The following KIF13A variants were observed in gnomAD, a reference collection of about 807,000 sequenced individuals.
KIF13A encodes the protein kinesin-like protein KIF13A.
Under a neutral mutation model 212.2 loss-of-function variants are expected in KIF13A, and 79 were observed. That is an observed-to-expected ratio of 0.37 (90% CI 0.31 to 0.45). The LOEUF is 0.45. KIF13A is among the 20% of genes least tolerant of loss of function. KIF13A has a pLI of 1.00. For missense variants in KIF13A, 1,901 were observed against 2,209.0 expected, an observed-to-expected ratio of 0.86 and a Z score of 2.79; for synonymous variants, 789 against 808.6, an observed-to-expected ratio of 0.98 and a Z score of 0.41.
At chr6:17,936,720 C>T (rs2150547275) in intron 2 of KIF13A, among the ~76,000 whole-genome samples, 1 of 152,142 alleles carries the variant, frequency 6.6e-6, no homozygotes, top group Middle Eastern at 3.4e-3. Context: ...GTCAGTAATG[C>T]AACTAACTGT....
chr6:17,764,201 C>A lies in KIF13A; in HGVS notation c.5327G>T (p.Gly1776Val). The change falls in exon 39 of 39, where the codon GGG becomes GTG. Residue 1776 changes from glycine to valine, a missense_variant. Physicochemically the swap from Gly to Val is moderately radical, Grantham distance 109. Coordinates refer to ENST00000259711, the MANE Select transcript of KIF13A (RefSeq NM_022113.6). The surrounding 1 kb of genome is among the most constrained non-coding windows in gnomAD (Gnocchi z 5.1). ...ATGCAGCTGGCTGGGGTGGTGGAGC[C>A]CATCGGAGACAGTCTTGCCGCCTGT... ...NKTGGKTVSD[G>V]LHHPSQLHSK... 6.2e-7 allele frequency: 1 copy of A among 1,613,958 alleles called. No individual in the cohort carries two copies. The highest frequency in any genetic ancestry group is 8.5e-7 in the Non-Finnish European group (1 of 1,179,878).
At chr6:17,788,507 C>T (rs1386128440) in intron 26 of KIF13A, among the ~76,000 whole-genome samples, 2 of 152,172 alleles carry the variant, frequency 1.3e-5, no homozygotes, top group Non-Finnish European at 2.9e-5. Context: ...AGGAAGCGCA[C>T]AAACAGCCGC....
Position 17,799,494 on chromosome 6 carries a change from T to C in KIF13A, c.2617-55A>G. 7.3e-7 allele frequency: 1 copy of C among 1,361,264 alleles called. No homozygotes were observed. The highest frequency in any genetic ancestry group is 1.5e-5 in the African/African-American group (1 of 68,342). The allele number at this position is 1,361,264 out of a possible 1,614,324, so 84.3% of individuals were successfully genotyped here. On this transcript the variant is annotated intron_variant, in intron 21 of 38. Coordinates refer to ENST00000259711, the MANE Select transcript of KIF13A (RefSeq NM_022113.6). The surrounding 1 kb of genome is among the most constrained non-coding windows in gnomAD (Gnocchi z 4.4). The stretch of plus-strand genomic sequence containing the variant: ...CCAATGAACACTAAACATTCTTTCA[T>C]TTCAGCTACCTCAAATTTAAGAGTA...
intron 17 of KIF13A, among the ~76,000 whole-genome samples, chr6:17,813,092 C>T (rs1055104129): frequency 1.3e-5 from 2 of 152,234 alleles, no homozygotes; most frequent in South Asian, 2.1e-4. Flanking sequence ...GGCGTGAAGC[C>T]ACCAGCTCAT....
In KIF13A at chr6:17,910,578, TTAAC is replaced by T. The variant is rs928549956; in HGVS notation, c.147-12402_147-12399del. Among the ~76,000 whole-genome samples the T allele has an allele frequency of 1.2e-3, 177 of 152,372 alleles. 1 individual carries two copies. The highest frequency in any genetic ancestry group is 4.1e-3 in the African/African-American group (169 of 41,588). ...AATAGTAAGACAATTTTTTTTAAAA[TTAAC>T]TGTTAGTTTTTGTCAAAAAATTTTT... is the stretch of plus-strand genomic sequence containing the variant. On this transcript the variant is annotated intron_variant, in intron 2 of 38. Coordinates refer to ENST00000259711, the MANE Select transcript of KIF13A (RefSeq NM_022113.6).
intron 23 of KIF13A, among the ~76,000 whole-genome samples, chr6:17,795,935 A>G (rs1761994243): frequency 6.6e-6 from 1 of 152,202 alleles, no homozygotes; most frequent in Non-Finnish European, 1.5e-5. Flanking sequence ...AAGGTTATGT[A>G]TGATTCATCT....
intron 9 of KIF13A, among the ~76,000 whole-genome samples, chr6:17,841,572 G>A (rs1766510574): frequency 1.3e-5 from 2 of 152,140 alleles, no homozygotes; most frequent in Admixed American, 1.3e-4. Flanking sequence ...GAGGGGTGGA[G>A]CTGTATGGAA....
chr6:17,950,668 T>C (rs944649506), intron 2 of KIF13A: 2 of 985,058 alleles, frequency 2.0e-6, no homozygotes, highest in African/African-American at 3.5e-5. Flanking sequence ...TTCAACTTTA[T>C]GTGTCTAAGA....
chr6:17,944,274 A>T (rs1258617627), intron 2 of KIF13A, among the ~76,000 whole-genome samples: 4 of 152,162 alleles, frequency 2.6e-5, no homozygotes, highest in Non-Finnish European at 4.4e-5. Context: ...CAGTTAATTG[A>T]TCCATACACA....
intron 38 of KIF13A, among the ~76,000 whole-genome samples, chr6:17,765,745 T>C (rs1758886328): frequency 6.6e-6 from 1 of 152,248 alleles, no homozygotes; most frequent in African/African-American, 2.4e-5. Flanking sequence ...AAATGAATGA[T>C]TCTTTTATAT....
intron 2 of KIF13A, among the ~76,000 whole-genome samples, chr6:17,920,629 T>C (rs1774977399): frequency 6.6e-6 from 1 of 152,146 alleles, no homozygotes; most frequent in South Asian, 2.1e-4. Context: ...ATCCCAGCAC[T>C]TTGGGAGGCC....
intron 2 of KIF13A, among the ~76,000 whole-genome samples, chr6:17,935,896 G>C (rs1384967398): frequency 6.6e-6 from 1 of 152,154 alleles, no homozygotes; most frequent in Non-Finnish European, 1.5e-5. Context: ...GCTTTGAAGA[G>C]ATCTTAAAGC....
intron 16 of KIF13A, among the ~76,000 whole-genome samples, chr6:17,820,013 CGA>C (rs1764296310): frequency 1.3e-5 from 2 of 151,888 alleles, no homozygotes; most frequent in African/African-American, 4.8e-5. Flanking sequence ...GTTTTTGCTA[CGA>C]GATACTGAAT....
rs1773000001 is a variant in KIF13A at position 17,900,907 on chromosome 6, C to T, written c.147-2727G>A. 6.6e-6 allele frequency among the ~76,000 whole-genome samples: 1 copy of T among 151,636 alleles called. No homozygotes were observed. Among genetic ancestry groups the T allele is most frequent in the Non-Finnish European group, 1.5e-5 (1 of 67,890 alleles). ...TCCTGGTTAACACGGTGAAACCCCG[C>T]CTCTACTAAAAATACAAAAAATTAG... is the stretch of plus-strand genomic sequence containing the variant. On this transcript the variant is annotated intron_variant, in intron 2 of 38. Transcript: ENST00000259711. The surrounding 1 kb of genome is among the most constrained non-coding windows in gnomAD (Gnocchi z 4.6).
intron 3 of KIF13A, among the ~76,000 whole-genome samples, chr6:17,896,581 C>A (rs1772586781): frequency 6.6e-6 from 1 of 152,070 alleles, no homozygotes. Flanking sequence ...CATGCATATA[C>A]ACATTGTTTA....
intron 22 of KIF13A, among the ~76,000 whole-genome samples, chr6:17,797,927 T>C (rs1762182283): frequency 1.3e-5 from 2 of 151,778 alleles, no homozygotes; most frequent in African/African-American, 2.4e-5. Context: ...AAACAGATGA[T>C]TGTGAGGAAA....
chr6:17,840,299 GAAA>G, intron 9 of KIF13A, among the ~76,000 whole-genome samples: 1 of 151,988 alleles, frequency 6.6e-6, no homozygotes, highest in East Asian at 1.9e-4. Context: ...ACAATTTTAT[GAAA>G]AAAATACTGT....
rs1166326603 is a variant in KIF13A at position 17,892,184 on chromosome 6, T to C, written c.159+5984A>G. On this transcript the variant is annotated intron_variant, in intron 3 of 38. Coordinates refer to ENST00000259711, the MANE Select transcript of KIF13A (RefSeq NM_022113.6). The surrounding 1 kb of genome is among the most constrained non-coding windows in gnomAD (Gnocchi z 4.7). ...TAGTTTATGTTGATTTGATTTTTCATTCACTCAGTTTCAAATCCGAGACAT... is the reference window on the plus strand; with the variant it reads ...TAGTTTATGTTGATTTGATTTTTCACTCACTCAGTTTCAAATCCGAGACAT... Among the ~76,000 whole-genome samples the C allele has an allele frequency of 6.6e-6, 1 of 152,244 alleles. No individual in the cohort carries two copies. Among genetic ancestry groups the C allele is most frequent in the East Asian group, 1.9e-4 (1 of 5,200 alleles).
In KIF13A at chr6:17,967,683, GA is replaced by G. The variant is rs1377011881; in HGVS notation, c.146+19370del. 6.6e-6 allele frequency among the ~76,000 whole-genome samples: 1 copy of G among 152,136 alleles called. No individual in the cohort carries two copies. Among genetic ancestry groups the G allele is most frequent in the Non-Finnish European group, 1.5e-5 (1 of 68,014 alleles). The stretch of plus-strand genomic sequence containing the variant: ...CCCATCTTTTACTCTCCAAAGGAAA[GA>G]CCTGCAGTGTTAGGTTTCCTCCTGC... On this transcript the variant is annotated intron_variant, in intron 2 of 38. Coordinates refer to ENST00000259711, the MANE Select transcript of KIF13A (RefSeq NM_022113.6). This position sits in a 1 kb window ranked among gnomAD's most constrained non-coding sequence, Gnocchi z 4.1.
Sources: gnomAD v4.1 joint callset for allele counts (sites outside exome capture counted in the v4.1 genomes callset) on GRCh38, gnomAD v4.1.1 for gene constraint, Gnocchi (gnomAD v3.1) non-coding constraint, MANE v1.5 for transcripts, NCBI Gene and HGNC (gene_info 2026-07-23, HGNC 2026-07-21) for gene names.